MARCHF4: variants seen among roughly 807,000 people sequenced by gnomAD.
MARCHF4 encodes membrane associated ring-CH-type finger 4, also known as E3 ubiquitin-protein ligase MARCHF4.
MARCHF4 carries 14 observed loss-of-function variants against 43.9 expected under a neutral mutation model. The ratio of observed to expected loss-of-function variants is 0.32; its 90% CI spans 0.21 to 0.50. The LOEUF (loss-of-function observed/expected upper bound fraction) is 0.50. Among genes scored for constraint, MARCHF4 ranks in the 20% least tolerant of loss-of-function variants. The pLI, the probability that MARCHF4 is intolerant of heterozygous loss-of-function variation, is 0.98. For missense variants in MARCHF4, 468 were observed against 536.7 expected, an observed-to-expected ratio of 0.87 and a Z score of 1.27; for synonymous variants, 226 against 213.3, an observed-to-expected ratio of 1.06 and a Z score of -0.52.
intron 1 of MARCHF4, among the ~76,000 whole-genome samples, chr2:216,301,948 A>G (rs1691498519): frequency 6.6e-6 from 1 of 152,232 alleles, no homozygotes; most frequent in Non-Finnish European, 1.5e-5. Flanking sequence ...GTGAAGTGAC[A>G]TAGAGAAGTG....
chr2:216,321,993 G>T (rs1691903530), intron 1 of MARCHF4, among the ~76,000 whole-genome samples: 1 of 152,194 alleles, frequency 6.6e-6, no homozygotes, highest in African/African-American at 2.4e-5. Context: ...TGGTGGACCT[G>T]TGAATAGACC....
At chr2:216,336,966 A>T (rs1031263081) in intron 1 of MARCHF4, among the ~76,000 whole-genome samples, 1 of 151,992 alleles carries the variant, frequency 6.6e-6, no homozygotes, top group Non-Finnish European at 1.5e-5. Flanking sequence ...AGCCTGGCCA[A>T]CAAGGTGAAA....
rs538127482 is a variant in MARCHF4 at position 216,320,634 on chromosome 2, T to A, written c.517-36905A>T. On this transcript the variant is annotated intron_variant, in intron 1 of 3. Coordinates refer to ENST00000273067, the MANE Select transcript of MARCHF4 (RefSeq NM_020814.3). ...TTCTTTCTTTCTTTCTTTCTTTCTTTCTTTCTTTCTTTCTTTCTTTCTTTC... is the reference window on the plus strand; with the variant it reads ...TTCTTTCTTTCTTTCTTTCTTTCTTACTTTCTTTCTTTCTTTCTTTCTTTC... Among the ~76,000 whole-genome samples the A allele has an allele frequency of 3.5e-5, 4 of 112,808 alleles. No homozygotes were observed. The South Asian group carries it at 1.0e-3, about 29-fold the overall frequency. The allele number at this position is 112,808 out of a possible 152,430, so 74.0% of individuals were successfully genotyped here.
chr2:216,273,777 A>C (rs2105935922), intron 3 of MARCHF4, among the ~76,000 whole-genome samples: 1 of 152,300 alleles, frequency 6.6e-6, no homozygotes, highest in South Asian at 2.1e-4. Context: ...CAAGAAGACC[A>C]CGCTGAGCCT....
At chr2:216,354,935 CT>C (rs1215791548) in intron 1 of MARCHF4, among the ~76,000 whole-genome samples, 3 of 135,438 alleles carry the variant, frequency 2.2e-5, no homozygotes, top group South Asian at 2.6e-4. Flanking sequence ...TTCTTTCTTT[CT>C]TTCTTTCTTT....
chr2:216,335,667 A>G (rs963179063), intron 1 of MARCHF4, among the ~76,000 whole-genome samples: 2 of 152,206 alleles, frequency 1.3e-5, no homozygotes, highest in African/African-American at 4.8e-5. Flanking sequence ...CAGCCAAAAA[A>G]GAGTACAGAA....
At chr2:216,295,718 T>C (rs1691380149) in intron 1 of MARCHF4, among the ~76,000 whole-genome samples, 1 of 152,212 alleles carries the variant, frequency 6.6e-6, no homozygotes, top group South Asian at 2.1e-4. Context: ...TAAATGAAGT[T>C]CATCAGTCTG....
chr2:216,369,106 C>T (rs74891643), intron 1 of MARCHF4, among the ~76,000 whole-genome samples: 3,897 of 152,268 alleles, frequency 0.026, 145 homozygotes, highest in East Asian at 0.14. Context: ...ATTTACCTGC[C>T]TGTTTTCAAC....
chr2:216,259,227 G>T lies in MARCHF4; in HGVS notation c.*85C>A, dbSNP rs1234078848. ...CCCCCACCCTCTGCCTGCTCCCTCT[G>T]TTGGCTCTGGGGGTGCCACTGCACC... On this transcript the variant is annotated 3_prime_UTR_variant, in exon 4 of 4. Coordinates refer to ENST00000273067, the MANE Select transcript of MARCHF4 (RefSeq NM_020814.3). The T allele has an allele frequency of 6.7e-7, 1 of 1,487,466 alleles. No homozygotes were observed. The highest frequency in any genetic ancestry group is 8.9e-7 in the Non-Finnish European group (1 of 1,122,708). The allele number at this position is 1,487,466 out of a possible 1,614,324, so 92.1% of individuals were successfully genotyped here.
At chr2:216,286,520 TAAAA>T (rs10565877) in intron 1 of MARCHF4, among the ~76,000 whole-genome samples, 3 of 143,490 alleles carry the variant, frequency 2.1e-5, no homozygotes, top group Admixed American at 6.8e-5. Flanking sequence ...CAACTCCATC[TAAAA>T]AAAAAAAAAA....
At chr2:216,352,782 C>G (rs1692421842) in intron 1 of MARCHF4, among the ~76,000 whole-genome samples, 1 of 152,194 alleles carries the variant, frequency 6.6e-6, no homozygotes, top group Admixed American at 6.5e-5. Flanking sequence ...CTCCTCAAGC[C>G]TGCCCTCCCA....
Position 216,277,658 on chromosome 2 carries a change from A to C in MARCHF4, c.865+14T>G, listed in dbSNP as rs1358062177. 1 of 1,577,230 alleles carries C rather than the reference A, an allele frequency of 6.3e-7. No individual in the cohort carries two copies. Among genetic ancestry groups the C allele is most frequent in the South Asian group, 1.1e-5 (1 of 87,592 alleles). Reference sequence around the variant, plus strand: ...GGTTCCCCACTTCCCATGGAGACAAACCCCCAGACCCACCTATGCACACCA... The same window carrying C: ...GGTTCCCCACTTCCCATGGAGACAACCCCCCAGACCCACCTATGCACACCA... On this transcript the variant is annotated intron_variant, in intron 3 of 3. Transcript: ENST00000273067.
Position 216,370,295 on chromosome 2 carries a change from G to A in MARCHF4, c.-35C>T. The A allele has an allele frequency of 6.5e-7, 1 of 1,544,724 alleles. No individual in the cohort carries two copies. Among genetic ancestry groups the A allele is most frequent in the Non-Finnish European group, 8.7e-7 (1 of 1,143,408 alleles). On this transcript the variant is annotated 5_prime_UTR_variant, in exon 1 of 4. Coordinates refer to ENST00000273067, the MANE Select transcript of MARCHF4 (RefSeq NM_020814.3). Reference sequence around the variant, plus strand: ...GGAAGTAGAGAGCCCAAGAGGGGTGGCTGGAGTCTTAAAAGAGGGGGACAG... The same window carrying A: ...GGAAGTAGAGAGCCCAAGAGGGGTGACTGGAGTCTTAAAAGAGGGGGACAG...
chr2:216,297,608 G>A (rs1032827417), intron 1 of MARCHF4, among the ~76,000 whole-genome samples: 1 of 152,136 alleles, frequency 6.6e-6, no homozygotes, highest in African/African-American at 2.4e-5. Context: ...GCCTCCCCTG[G>A]GTTCAAGCAA....
At position 216,332,161 on chromosome 2, in the gene MARCHF4, C is replaced by T. The variant is rs190319310; in HGVS notation, c.516+37584G>A. Among the ~76,000 whole-genome samples the T allele has an allele frequency of 1.3e-3, 193 of 152,086 alleles. 1 individual carries two copies. Among genetic ancestry groups the T allele is most frequent in the Non-Finnish European group, 2.4e-3 (160 of 67,996 alleles). On this transcript the variant is annotated intron_variant, in intron 1 of 3. Coordinates refer to ENST00000273067, the MANE Select transcript of MARCHF4 (RefSeq NM_020814.3). ...ATCCCAGCACTTTGGGAGGCCAAGG[C>T]GAAAGGATCACTTGAGCCCAGGAAT...
rs1690679311 is a variant in MARCHF4 at position 216,257,917 on chromosome 2, C to G, written c.*1395G>C. ...GCTTTTAAGAGAATATTACAAACAA[C>G]AGAGAGTTTTAAAAAACCCTAAAAA... On this transcript the variant is annotated 3_prime_UTR_variant, in exon 4 of 4. Coordinates refer to ENST00000273067, the MANE Select transcript of MARCHF4 (RefSeq NM_020814.3). The G allele has an allele frequency of 6.6e-6, 1 of 151,972 alleles. No homozygotes were observed. Among genetic ancestry groups the G allele is most frequent in the Non-Finnish European group, 1.5e-5 (1 of 67,972 alleles). 9.4% of individuals were successfully genotyped at this position (151,972 alleles called of 1,614,324 possible).
intron 1 of MARCHF4, among the ~76,000 whole-genome samples, chr2:216,353,147 T>TAAAA (rs533025261): frequency 6.8e-6 from 1 of 147,186 alleles, no homozygotes; most frequent in Non-Finnish European, 1.5e-5. Flanking sequence ...CACTTCAACA[T>TAAAA]AAAAAAAAAA....
intron 1 of MARCHF4, among the ~76,000 whole-genome samples, chr2:216,286,962 T>G (rs1366731593): frequency 1.3e-5 from 2 of 152,232 alleles, no homozygotes; most frequent in East Asian, 1.9e-4. Flanking sequence ...ATATAAGAGA[T>G]ATCTCTGATT....
intron 1 of MARCHF4, among the ~76,000 whole-genome samples, chr2:216,332,337 C>T (rs1456730309): frequency 3.3e-5 from 5 of 149,512 alleles, no homozygotes; most frequent in Admixed American, 1.3e-4. Flanking sequence ...AGTTGCAGTG[C>T]GCCGAGATTG....
Sources: allele counts gnomAD v4.1 joint callset (sites outside exome capture counted in the v4.1 genomes callset), GRCh38; gene constraint gnomAD v4.1.1; transcripts MANE v1.5; gene names NCBI Gene and HGNC (gene_info 2026-07-23, HGNC 2026-07-21).